The following EBF1 variants were observed in gnomAD, a reference collection of about 807,000 sequenced individuals.
The protein encoded by EBF1 is transcription factor COE1.
A neutral mutation model predicts 68.4 loss-of-function variants in EBF1; 10 were observed. The ratio of observed to expected loss-of-function variants is 0.15; its 90% CI spans 0.09 to 0.25. The LOEUF (loss-of-function observed/expected upper bound fraction) is 0.25, where lower values mean the gene tolerates loss of function less well. Among genes scored for constraint, EBF1 ranks in the 10% least tolerant of loss-of-function variants. The pLI is 1.00. For missense variants in EBF1, 509 were observed against 794.4 expected (o/e 0.64, Z 4.32); for synonymous variants, 298 against 299.8 (o/e 0.99, Z 0.06).
chr5:158,908,495 C>T (rs1408564413), intron 6 of EBF1, among the ~76,000 whole-genome samples: 5 of 152,150 alleles, frequency 3.3e-5, no homozygotes, highest in Non-Finnish European at 4.4e-5. Flanking sequence ...AGCAAGGCTC[C>T]CATTAACTCC....
intron 15 of EBF1, among the ~76,000 whole-genome samples, chr5:158,704,999 T>C (rs1390421437): frequency 2.0e-5 from 3 of 152,242 alleles, no homozygotes; most frequent in African/African-American, 7.2e-5. Flanking sequence ...ATTTTCTTTC[T>C]TTCTGTCTTT....
chr5:158,830,794 G>A (rs974810925), intron 7 of EBF1, among the ~76,000 whole-genome samples: 6 of 152,170 alleles, frequency 3.9e-5, no homozygotes, highest in Non-Finnish European at 8.8e-5. Context: ...GCTTCTATCT[G>A]GTTGAAAGAT....
At chr5:159,093,578 G>A (rs951808313) in intron 4 of EBF1, among the ~76,000 whole-genome samples, 8 of 151,950 alleles carry the variant, frequency 5.3e-5, no homozygotes. Flanking sequence ...AATGCCTTAA[G>A]CTGCAGTTTT....
chr5:158,818,172 T>C (rs1209349494), intron 8 of EBF1, among the ~76,000 whole-genome samples: 1 of 152,152 alleles, frequency 6.6e-6, no homozygotes, highest in African/African-American at 2.4e-5. Context: ...CTGATCCTCC[T>C]TCTATCCTCT....
At chr5:158,779,510 G>A (rs1198253688) in intron 9 of EBF1, among the ~76,000 whole-genome samples, 2 of 152,006 alleles carry the variant, frequency 1.3e-5, no homozygotes, top group Non-Finnish European at 2.9e-5. Context: ...CTGGAGCTTT[G>A]CCATGCTTTT....
intron 1 of EBF1, among the ~76,000 whole-genome samples, chr5:159,098,629 T>G (rs1225529717): frequency 1.0e-4 from 12 of 119,232 alleles, no homozygotes; most frequent in Non-Finnish European, 1.1e-4. Flanking sequence ...AGGAAAAGAG[T>G]GAGGGAGAAA....
chr5:158,789,196 C>T (rs1778061423), intron 9 of EBF1, among the ~76,000 whole-genome samples: 1 of 151,930 alleles, frequency 6.6e-6, no homozygotes, highest in Admixed American at 6.6e-5. Flanking sequence ...AAATATAGGA[C>T]ATGAAACATA....
At position 159,068,301 on chromosome 5, in the gene EBF1, C is replaced by T. The variant is rs139621860; in HGVS notation, c.554+5095G>A. Among the ~76,000 whole-genome samples, 874 of 152,170 alleles carry T rather than the reference C, an allele frequency of 5.7e-3. 11 individuals carry two copies. Among genetic ancestry groups the T allele is most frequent in the African/African-American group, 0.02 (827 of 41,502 alleles). Reference sequence around the variant, plus strand: ...AGGAAAGCCATTGATTGTTGAAAGGCCCAGATGCCTTTACAATCCTTGGCA... The same window carrying T: ...AGGAAAGCCATTGATTGTTGAAAGGTCCAGATGCCTTTACAATCCTTGGCA... On this transcript the variant is annotated intron_variant, in intron 6 of 15. Coordinates refer to ENST00000313708, the MANE Select transcript of EBF1 (RefSeq NM_024007.5).
intron 6 of EBF1, among the ~76,000 whole-genome samples, chr5:159,012,300 AAAAAG>A (rs1033044746): frequency 4.6e-5 from 7 of 151,998 alleles, no homozygotes; most frequent in South Asian, 2.1e-4. Context: ...AAAAAAAAGA[AAAAAG>A]AAAAGAAAAG....
chr5:158,913,665 T>C lies in EBF1; in HGVS notation c.555-73555A>G, dbSNP rs369380150. 1.1e-4 allele frequency among the ~76,000 whole-genome samples: 17 copies of C among 152,234 alleles called. No homozygotes were observed. The East Asian group carries it at 3.1e-3, about 28-fold the overall frequency. On this transcript the variant is annotated intron_variant, in intron 6 of 15. Coordinates refer to ENST00000313708, the MANE Select transcript of EBF1 (RefSeq NM_024007.5). The stretch of plus-strand genomic sequence containing the variant: ...GGAGGGCAGTGGAAAGGGCCCTCGG[T>C]ATGGGTTTGGCAAGGCAGGGAGCAG...
intron 6 of EBF1, among the ~76,000 whole-genome samples, chr5:158,948,196 C>T (rs1023721059): frequency 1.3e-5 from 2 of 152,090 alleles, no homozygotes; most frequent in African/African-American, 2.4e-5. Context: ...GCCCTCATTC[C>T]GTTCTTTGCT....
intron 9 of EBF1, among the ~76,000 whole-genome samples, chr5:158,793,060 G>C (rs915235152): frequency 6.6e-6 from 1 of 152,086 alleles, no homozygotes; most frequent in Non-Finnish European, 1.5e-5. Flanking sequence ...GGACTGTTTG[G>C]GTTCAAGTCC....
chr5:159,054,337 C>G (rs1280307614), intron 6 of EBF1, among the ~76,000 whole-genome samples: 1 of 152,140 alleles, frequency 6.6e-6, no homozygotes, highest in Non-Finnish European at 1.5e-5. Flanking sequence ...ATGGGACTCA[C>G]AATTTTATTT....
chr5:159,064,377 C>T (rs1159739588), intron 6 of EBF1, among the ~76,000 whole-genome samples: 1 of 152,138 alleles, frequency 6.6e-6, no homozygotes, highest in Non-Finnish European at 1.5e-5. Flanking sequence ...GGAAAAAAAT[C>T]AGTCTGGGAG....
intron 6 of EBF1, among the ~76,000 whole-genome samples, chr5:158,915,874 A>G (rs1807088806): frequency 6.6e-6 from 1 of 152,232 alleles, no homozygotes; most frequent in African/African-American, 2.4e-5. Flanking sequence ...AAAGGGGTCC[A>G]CATTCAAGGC....
intron 8 of EBF1, among the ~76,000 whole-genome samples, chr5:158,804,448 C>CCA (rs1781203322): frequency 1.3e-5 from 2 of 152,084 alleles, no homozygotes; most frequent in African/African-American, 4.8e-5. Flanking sequence ...AATGCTGGTG[C>CCA]AACAACTGTA....
intron 6 of EBF1, among the ~76,000 whole-genome samples, chr5:158,937,511 G>C (rs1812277903): frequency 6.6e-6 from 1 of 152,200 alleles, no homozygotes. Flanking sequence ...CTCTCCCTGA[G>C]CAAGGGTGTA....
At chr5:158,969,840 A>AAG (rs372682646) in intron 6 of EBF1, among the ~76,000 whole-genome samples, 1 of 119,896 alleles carries the variant, frequency 8.3e-6, no homozygotes, top group African/African-American at 3.0e-5. Context: ...AAAAGAAAGA[A>AAG]AGAGAAAGAA....
At chr5:158,795,653 G>A (rs549993323) in intron 9 of EBF1, among the ~76,000 whole-genome samples, 1 of 152,178 alleles carries the variant, frequency 6.6e-6, no homozygotes, top group Non-Finnish European at 1.5e-5. Flanking sequence ...CTATATAACG[G>A]GATGCATGTT....
Sources: gnomAD v4.1 joint callset for allele counts (sites outside exome capture counted in the v4.1 genomes callset) on GRCh38, gnomAD v4.1.1 for gene constraint, MANE v1.5 for transcripts, NCBI Gene and HGNC (gene_info 2026-07-23, HGNC 2026-07-21) for gene names.